PCDH15: variants seen among roughly 807,000 people sequenced by gnomAD.
PCDH15 encodes protocadherin-15.
A neutral mutation model predicts 178.5 loss-of-function variants in PCDH15; 129 were observed. The observed-to-expected ratio is 0.72, with a 90% confidence interval of 0.63 to 0.84. PCDH15 has a LOEUF of 0.84. Ranked by LOEUF, PCDH15 falls within the 40% of genes least tolerant of loss-of-function variation. The pLI is 0.00. For synonymous variants in PCDH15, 800 were observed against 732.0 expected, an observed-to-expected ratio of 1.09 and a Z score of -1.50; for missense variants, 2,230 against 2,099.9, an observed-to-expected ratio of 1.06 and a Z score of -1.21.
chr10:54,105,037 T>C (rs2094886121), intron 15 of PCDH15, among the ~76,000 whole-genome samples: 1 of 151,446 alleles, frequency 6.6e-6, no homozygotes, highest in Non-Finnish European at 1.5e-5. Context: ...ACTGTCTAAA[T>C]AATTCAGAGC....
intron 26 of PCDH15, among the ~76,000 whole-genome samples, chr10:53,876,445 C>T (rs1299658907): frequency 6.6e-6 from 1 of 152,002 alleles, no homozygotes; most frequent in East Asian, 1.9e-4. Flanking sequence ...CTCGGCCTCC[C>T]AAAGTGCTGG....
chr10:55,189,777 C>T lies in PCDH15; in HGVS notation c.-155-23126G>A, dbSNP rs191837406. On this transcript the variant is annotated intron_variant, in intron 1 of 5. Transcript: ENST00000458638. ...ATTGTAGACTAATAATAAATGTTGA[C>T]AAAAATTGGGGTAAATGGAGTTCTT... Among the ~76,000 whole-genome samples the T allele has an allele frequency of 3.3e-5, 5 of 151,794 alleles. No homozygotes were observed. The East Asian group carries it at 9.7e-4, about 29-fold the overall frequency.
At chr10:55,017,189 A>G (rs1027609731) in intron 2 of PCDH15, among the ~76,000 whole-genome samples, 1 of 152,132 alleles carries the variant, frequency 6.6e-6, no homozygotes, top group Non-Finnish European at 1.5e-5. Flanking sequence ...TGTAGTTCCT[A>G]CAAGTCAGCC....
intron 2 of PCDH15, among the ~76,000 whole-genome samples, chr10:55,015,856 C>T (rs1028165230): frequency 6.6e-6 from 1 of 151,928 alleles, no homozygotes; most frequent in African/African-American, 2.4e-5. Flanking sequence ...AACCCCTCTT[C>T]ATTTGTGTTT....
At chr10:53,989,006 G>A (rs1302949118) in intron 21 of PCDH15, among the ~76,000 whole-genome samples, 2 of 152,130 alleles carry the variant, frequency 1.3e-5, no homozygotes, top group Admixed American at 6.5e-5. Context: ...AAAATGTGAT[G>A]TGCAAAAACT....
At chr10:53,878,312 ATTC>A (rs374677746) in intron 26 of PCDH15, among the ~76,000 whole-genome samples, 45 of 78,724 alleles carry the variant, frequency 5.7e-4, no homozygotes, top group South Asian at 2.9e-3. Context: ...GACTATATAT[ATTC>A]TATATATATA....
chr10:55,044,142 A>T (rs1840939493), intron 2 of PCDH15, among the ~76,000 whole-genome samples: 2 of 152,158 alleles, frequency 1.3e-5, no homozygotes, highest in Non-Finnish European at 2.9e-5. Context: ...CAACAAGGTG[A>T]TAATGTCCCG....
chr10:55,544,139 C>CATATATATATATATATATATATATATAT (rs1176456895), intron 2 of PCDH15, among the ~76,000 whole-genome samples: 1 of 54,342 alleles, frequency 1.8e-5, no homozygotes, highest in Non-Finnish European at 3.5e-5. Flanking sequence ...CTTATACATA[C>CATATATATATATATATATATATATATAT]ATATATATAT....
At chr10:54,817,659 T>C (rs575883704) in intron 3 of PCDH15, among the ~76,000 whole-genome samples, 55 of 152,038 alleles carry the variant, frequency 3.6e-4, no homozygotes, top group Non-Finnish European at 7.2e-4. Flanking sequence ...ATTAAAATAA[T>C]CTTACAAAGA....
chr10:54,162,258 C>T (rs916558998), intron 13 of PCDH15, among the ~76,000 whole-genome samples: 2 of 152,026 alleles, frequency 1.3e-5, no homozygotes, highest in Non-Finnish European at 2.9e-5. Flanking sequence ...TCTTTTAAAC[C>T]ACTGTATGTT....
At chr10:53,989,714 C>A (rs1439121876) in intron 21 of PCDH15, among the ~76,000 whole-genome samples, 1 of 152,098 alleles carries the variant, frequency 6.6e-6, no homozygotes, top group Non-Finnish European at 1.5e-5. Flanking sequence ...ATATTCCCTC[C>A]TCATGCTCCT....
intron 2 of PCDH15, among the ~76,000 whole-genome samples, chr10:55,377,865 T>C (rs1837436972): frequency 2.0e-5 from 3 of 152,106 alleles, no homozygotes; most frequent in Admixed American, 2.0e-4. Context: ...AATCATGGAA[T>C]ACTATGCAGC....
intron 2 of PCDH15, among the ~76,000 whole-genome samples, chr10:55,615,479 T>C (rs916168773): frequency 4.6e-5 from 7 of 152,220 alleles, no homozygotes; most frequent in African/African-American, 1.4e-4. Flanking sequence ...GGATAATTTA[T>C]ATTACTGCAA....
chr10:53,846,258 C>T (rs1294905988), intron 28 of PCDH15, among the ~76,000 whole-genome samples: 6 of 151,676 alleles, frequency 4.0e-5, no homozygotes, highest in Admixed American at 1.3e-4. Flanking sequence ...ATGATAATTA[C>T]AATTATTGAA....
At chr10:54,253,453 C>T (rs2056659300) in intron 8 of PCDH15, among the ~76,000 whole-genome samples, 1 of 151,982 alleles carries the variant, frequency 6.6e-6, no homozygotes, top group Non-Finnish European at 1.5e-5. Flanking sequence ...AAATCTGTGA[C>T]AACAGTGAGT....
chr10:54,685,874 C>G (rs1171537616), intron 1 of PCDH15, among the ~76,000 whole-genome samples: 2 of 152,028 alleles, frequency 1.3e-5, no homozygotes, highest in African/African-American at 4.8e-5. Context: ...GAATGCATAT[C>G]ACTTGGCACC....
intron 2 of PCDH15, among the ~76,000 whole-genome samples, chr10:54,588,743 T>A (rs1011003832): frequency 6.6e-6 from 1 of 152,090 alleles, no homozygotes; most frequent in African/African-American, 2.4e-5. Flanking sequence ...ACCCAGCTAA[T>A]TTCTATTTTT....
intron 3 of PCDH15, among the ~76,000 whole-genome samples, chr10:54,823,186 T>A (rs934400861): frequency 6.8e-6 from 1 of 146,464 alleles, no homozygotes; most frequent in Admixed American, 7.0e-5. Context: ...GGTTAATATA[T>A]TTTTTAAAAC....
intron 1 of PCDH15, among the ~76,000 whole-genome samples, chr10:54,764,811 T>C (rs573618118): frequency 6.4e-4 from 98 of 152,176 alleles, no homozygotes; most frequent in Non-Finnish European, 1.1e-3. Context: ...GAAAGGGCAA[T>C]GCGTAAGGCA....
Sources: allele counts gnomAD v4.1 joint callset (sites outside exome capture counted in the v4.1 genomes callset), GRCh38; gene constraint gnomAD v4.1.1; transcripts MANE v1.5; gene names NCBI Gene and HGNC (gene_info 2026-07-23, HGNC 2026-07-21).